Variants in VPS13C observed in about 807,000 individuals in gnomAD.
VPS13C encodes the protein intermembrane lipid transfer protein VPS13C.
In VPS13C, 358 loss-of-function variants were observed where a neutral mutation model predicts 456.8. The ratio of observed to expected loss-of-function variants is 0.78; its 90% CI spans 0.72 to 0.86. VPS13C has a LOEUF of 0.86. Among genes scored for constraint, VPS13C ranks in the 40% least tolerant of loss-of-function variants. The pLI, the probability that VPS13C is intolerant of heterozygous loss-of-function variation, is 0.00. For missense variants in VPS13C, 4,818 were observed against 4,385.4 expected (o/e 1.10, Z -2.79); for synonymous variants, 1,578 against 1,486.7 (o/e 1.06, Z -1.41).
intron 79 of VPS13C, among the ~76,000 whole-genome samples, chr15:61,871,179 C>T (rs761951543): frequency 6.6e-6 from 1 of 152,032 alleles, no homozygotes; most frequent in Non-Finnish European, 1.5e-5. Context: ...TTGCCTAATC[C>T]AAAGTCATGA....
rs1462680200 is a variant in VPS13C at position 61,991,810 on chromosome 15, A to G, written c.1354-8T>C. The G allele has an allele frequency of 2.5e-6, 4 of 1,607,322 alleles. No individual in the cohort carries two copies. In the African/African-American group the frequency reaches 5.4e-5, roughly 22 times the overall value. On this transcript the variant is annotated splice_region_variant and splice_polypyrimidine_tract_variant and intron_variant, in intron 16 of 84. Coordinates refer to ENST00000644861, the MANE Select transcript of VPS13C (RefSeq NM_020821.3). ...TTGCCCAGACCGAATCACCTGAAAA[A>G]TAAAAATTAAAAAATTTACTTTAAG...
At chr15:62,016,226 G>A (rs1420202246) in intron 9 of VPS13C, among the ~76,000 whole-genome samples, 1 of 150,876 alleles carries the variant, frequency 6.6e-6, no homozygotes, top group Non-Finnish European at 1.5e-5. Context: ...AGGCAAACTT[G>A]TCTGGTATGA....
At chr15:61,921,917 C>G (rs1301348594) in intron 55 of VPS13C, 30 bp downstream of exon 55, 1 of 1,591,472 alleles carries the variant, frequency 6.3e-7, no homozygotes, top group Non-Finnish European at 8.6e-7. Context: ...TAGTATCATT[C>G]TATCCAAAGA....
Position 61,918,119 on chromosome 15 carries a change from A to G in VPS13C, c.7760+17T>C. On this transcript the variant is annotated intron_variant, in intron 59 of 84. Transcript: ENST00000644861. Reference sequence around the variant, plus strand: ...ACTCAATACATTTAAAGTTTAATACATTTAAGAAGTATCTACCTATATGAA... The same window carrying G: ...ACTCAATACATTTAAAGTTTAATACGTTTAAGAAGTATCTACCTATATGAA... 6.4e-7 allele frequency: 1 copy of G among 1,566,584 alleles called. No homozygotes were observed. The highest frequency in any genetic ancestry group is 8.6e-7 in the Non-Finnish European group (1 of 1,165,222).
At chr15:61,900,243 G>C (rs1401289088) in intron 66 of VPS13C, among the ~76,000 whole-genome samples, 1 of 152,158 alleles carries the variant, frequency 6.6e-6, no homozygotes, top group African/African-American at 2.4e-5. Flanking sequence ...ATTCAACATA[G>C]TGTTGGAAGT....
chr15:61,913,558 G>GT (rs1428401064), intron 61 of VPS13C, 143 bp from the exon 62 acceptor site: 2 of 614,394 alleles, frequency 3.3e-6, no homozygotes, highest in Admixed American at 6.5e-5. Context: ...TTGCAAACAG[G>GT]TAACAGAACC....
intron 2 of VPS13C, among the ~76,000 whole-genome samples, chr15:62,043,020 A>G (rs1225032725): frequency 6.6e-6 from 1 of 151,696 alleles, no homozygotes; most frequent in Non-Finnish European, 1.5e-5. Flanking sequence ...TCTCCTTAGT[A>G]TGTTAGATAT....
At chr15:61,929,247 A>G (rs1482628247) in intron 51 of VPS13C, among the ~76,000 whole-genome samples, 1 of 152,166 alleles carries the variant, frequency 6.6e-6, no homozygotes, top group African/African-American at 2.4e-5. Flanking sequence ...AATTAACTTC[A>G]TTTCTGGATC....
At chr15:61,993,398 A>G (rs2046285102) in intron 16 of VPS13C, among the ~76,000 whole-genome samples, 1 of 152,080 alleles carries the variant, frequency 6.6e-6, no homozygotes, top group African/African-American at 2.4e-5. Flanking sequence ...TATTTTGGAA[A>G]AAAAAATTAA....
intron 82 of VPS13C, among the ~76,000 whole-genome samples, chr15:61,857,827 T>TGA (rs931157877): frequency 8.5e-5 from 13 of 152,176 alleles, no homozygotes; most frequent in African/African-American, 2.9e-4. Context: ...CAGACATGAA[T>TGA]GAACATGGTG....
At chr15:61,999,904 T>TAA (rs71125961) in intron 16 of VPS13C, among the ~76,000 whole-genome samples, 42 of 116,246 alleles carry the variant, frequency 3.6e-4, no homozygotes, top group African/African-American at 1.1e-3. Context: ...AAAGAAAAAG[T>TAA]AAAAAAAAAA....
At chr15:62,003,345 C>T (rs2046706934) in intron 15 of VPS13C, among the ~76,000 whole-genome samples, 1 of 151,548 alleles carries the variant, frequency 6.6e-6, no homozygotes, top group East Asian at 1.9e-4. Context: ...TATAAGAATG[C>T]TTGTGATTTT....
Position 61,959,461 on chromosome 15 carries a change from A to C in VPS13C, c.4043T>G (p.Leu1348Arg), listed in dbSNP as rs1467794575. The change falls in exon 36 of 85, where the codon CTT becomes CGT. Residue 1348 changes from leucine to arginine, a missense_variant. Leu to Arg is a moderately radical substitution (Grantham distance 102, BLOSUM62 -2). Coordinates refer to ENST00000644861, the MANE Select transcript of VPS13C (RefSeq NM_020821.3). ...KVPVVEIKGH[L>R]DSMNVSLNQE... ...TCATATACTTACATTCATTGAATCAAGATGTCCTTTAATTTCCACAACAGG... is the reference window on the plus strand; with the variant it reads ...TCATATACTTACATTCATTGAATCACGATGTCCTTTAATTTCCACAACAGG... 19 of 1,611,078 alleles carry C rather than the reference A, an allele frequency of 1.2e-5. No individual in the cohort carries two copies. The highest frequency in any genetic ancestry group is 1.5e-5 in the Non-Finnish European group (18 of 1,178,178).
rs200452220 is a variant in VPS13C at position 61,999,379 on chromosome 15, C to CA, written c.1353+1184dup. Among the ~76,000 whole-genome samples, 637 of 115,978 alleles carry CA rather than the reference C, an allele frequency of 5.5e-3. 4 individuals are homozygous for CA. Among genetic ancestry groups the CA allele is most frequent in the African/African-American group, 0.011 (335 of 31,612 alleles). The allele number at this position is 115,978 out of a possible 152,430, so 76.1% of individuals were successfully genotyped here. A position where few individuals can be genotyped will look rare whatever the true frequency, so the allele number is the denominator to read the frequency against. On this transcript the variant is annotated intron_variant, in intron 16 of 84. Transcript: ENST00000644861. ...TGGACAACAGAGCAAGACTCCATCT[C>CA]AAAAAAAAAAAAAAGAGAGAGAGAG...
In VPS13C at chr15:61,984,953, G is replaced by C; in HGVS notation, c.1625C>G (p.Thr542Arg). 1.9e-6 allele frequency: 3 copies of C among 1,606,418 alleles called. No homozygotes were observed. In the East Asian group the frequency reaches 6.7e-5, roughly 36 times the overall value. The change falls in exon 19 of 85, where the codon ACG becomes AGG. Residue 542 changes from threonine to arginine, a missense_variant. Transcript: ENST00000644861. ...TGGAATATTCTTGTTTTCTCTTATCGTAACAGAGGTGCTTACTAACTTCAG... is the reference window on the plus strand; with the variant it reads ...TGGAATATTCTTGTTTTCTCTTATCCTAACAGAGGTGCTTACTAACTTCAG... ...MTLKLVSTSV[T>R]IRENKNIPEI...
At chr15:61,914,364 T>A (rs565006199) in intron 61 of VPS13C, among the ~76,000 whole-genome samples, 1 of 151,650 alleles carries the variant, frequency 6.6e-6, no homozygotes, top group African/African-American at 2.4e-5. Flanking sequence ...AGGTCAGGAG[T>A]TCGAGACCAG....
At chr15:61,863,052 G>A (rs1305330850) in intron 82 of VPS13C, among the ~76,000 whole-genome samples, 1 of 152,064 alleles carries the variant, frequency 6.6e-6, no homozygotes, top group Non-Finnish European at 1.5e-5. Context: ...TTTAAAAGGG[G>A]TATGCTAATC....
At chr15:61,886,778 T>C (rs1896304235) in intron 67 of VPS13C, among the ~76,000 whole-genome samples, 1 of 152,196 alleles carries the variant, frequency 6.6e-6, no homozygotes, top group African/African-American at 2.4e-5. Flanking sequence ...AATGATAGTG[T>C]TAACAATGTC....
rs1162133965 is a variant in VPS13C at position 61,867,474 on chromosome 15, G to A, written c.10863+1185C>T. On this transcript the variant is annotated intron_variant, in intron 81 of 84. Transcript: ENST00000644861. This position sits in a 1 kb window ranked among gnomAD's most constrained non-coding sequence, Gnocchi z 5.0. The stretch of plus-strand genomic sequence containing the variant: ...TCCAGGTAATAGTCCCGTAACTTAA[G>A]CAAATTTAGAGCCATTTGTGAAACA... 1 of 987,852 alleles carries A rather than the reference G, an allele frequency of 1.0e-6. No individual in the cohort carries two copies. Among genetic ancestry groups the A allele is most frequent in the Non-Finnish European group, 1.2e-6 (1 of 831,876 alleles). The allele number at this position is 987,852 out of a possible 1,614,324, so 61.2% of individuals were successfully genotyped here. A position where few individuals can be genotyped will look rare whatever the true frequency, so the allele number is the denominator to read the frequency against.
Sources: allele counts gnomAD v4.1 joint callset (sites outside exome capture counted in the v4.1 genomes callset), GRCh38; gene constraint gnomAD v4.1.1; non-coding constraint Gnocchi (gnomAD v3.1); transcripts MANE v1.5; gene names NCBI Gene and HGNC (gene_info 2026-07-23, HGNC 2026-07-21).